The following KCNH7 variants were observed in gnomAD, a reference collection of about 807,000 sequenced individuals.
KCNH7 encodes the protein voltage-gated inwardly rectifying potassium channel KCNH7.
In KCNH7, 49 loss-of-function variants were observed where a neutral mutation model predicts 120.8. The ratio of observed to expected loss-of-function variants is 0.41; its 90% CI spans 0.32 to 0.51. The LOEUF (loss-of-function observed/expected upper bound fraction) is 0.51, where lower values mean the gene tolerates loss of function less well. Ranked by LOEUF, KCNH7 falls within the 20% of genes least tolerant of loss-of-function variation. The probability of loss-of-function intolerance (pLI) is 0.38; values close to 1 mark genes in which losing one functional copy is unlikely to be tolerated. For synonymous variants in KCNH7, 547 were observed against 516.1 expected, an observed-to-expected ratio of 1.06 and a Z score of -0.81; for missense variants, 1,097 against 1,446.6, an observed-to-expected ratio of 0.76 and a Z score of 3.92.
At chr2:162,690,965 A>G (rs1686081245) in intron 2 of KCNH7, among the ~76,000 whole-genome samples, 1 of 152,140 alleles carries the variant, frequency 6.6e-6, no homozygotes, top group Admixed American at 6.6e-5. Flanking sequence ...TCCACTTCTC[A>G]GTGTTAATAA....
intron 6 of KCNH7, 26 bp downstream of exon 6, chr2:162,504,417 A>C: frequency 6.5e-7 from 1 of 1,541,020 alleles, no homozygotes; most frequent in Non-Finnish European, 9.0e-7. Context: ...AAAACAGTTG[A>C]AATTGATAAG....
intron 7 of KCNH7, among the ~76,000 whole-genome samples, chr2:162,442,818 T>C (rs990330033): frequency 5.3e-5 from 8 of 152,194 alleles, no homozygotes; most frequent in African/African-American, 1.9e-4. Flanking sequence ...ATCACACCAC[T>C]GCACACTAGC....
intron 2 of KCNH7, among the ~76,000 whole-genome samples, chr2:162,654,919 T>C (rs373842751): frequency 1.3e-5 from 2 of 152,228 alleles, no homozygotes; most frequent in East Asian, 3.9e-4. Flanking sequence ...ATGTGTGGAA[T>C]ATAAGAAAGC....
intron 2 of KCNH7, among the ~76,000 whole-genome samples, chr2:162,813,448 G>A (rs1243021701): frequency 6.6e-6 from 1 of 152,136 alleles, no homozygotes; most frequent in Non-Finnish European, 1.5e-5. Context: ...CTGCCATCAG[G>A]GGTGATTGGT....
At position 162,517,825 on chromosome 2, in the gene KCNH7, C is replaced by G; in HGVS notation, c.797G>C (p.Ser266Thr). The G allele has an allele frequency of 6.2e-7, 1 of 1,612,366 alleles. No individual in the cohort carries two copies. The highest frequency in any genetic ancestry group is 8.5e-7 in the Non-Finnish European group (1 of 1,178,900). The change falls in exon 4 of 16, where the codon AGC (serine) becomes ACC (threonine). Residue 266 changes from serine to threonine, a missense_variant. Transcript: ENST00000332142. ...AGATGCTCTCCGTATACTACATAAG[C>G]TTTCCCTTGATCTGGAATGGGACAG... ...SQLSHSRSRE[S>T]LCSIRRASSV... is the part of the protein sequence containing the mutation.
intron 14 of KCNH7, among the ~76,000 whole-genome samples, chr2:162,374,912 TTG>T (rs1686107346): frequency 6.6e-6 from 1 of 152,118 alleles, no homozygotes; most frequent in African/African-American, 2.4e-5. Flanking sequence ...AAGGGAAAAA[TTG>T]AGTTATCAAC....
chr2:162,522,820 C>A (rs1257588690), intron 3 of KCNH7, among the ~76,000 whole-genome samples: 1 of 151,742 alleles, frequency 6.6e-6, no homozygotes, highest in Non-Finnish European at 1.5e-5. Flanking sequence ...TCTAAGAAGG[C>A]ATATAGTTGT....
intron 2 of KCNH7, among the ~76,000 whole-genome samples, chr2:162,806,886 A>G (rs1684556387): frequency 6.6e-6 from 1 of 152,134 alleles, no homozygotes; most frequent in Admixed American, 6.5e-5. Context: ...AACTCAAAGT[A>G]TAACAGAAAC....
At chr2:162,575,281 T>G (rs1417246861) in intron 2 of KCNH7, among the ~76,000 whole-genome samples, 2 of 152,082 alleles carry the variant, frequency 1.3e-5, no homozygotes, top group East Asian at 3.9e-4. Context: ...GCCTTCTGCC[T>G]TATTCCTCAA....
At chr2:162,646,681 G>A (rs1029799888) in intron 2 of KCNH7, among the ~76,000 whole-genome samples, 3 of 152,156 alleles carry the variant, frequency 2.0e-5, no homozygotes, top group Non-Finnish European at 4.4e-5. Flanking sequence ...AGACAAAGGG[G>A]ACCATAAGAG....
At chr2:162,572,864 C>T (rs13415564) in intron 2 of KCNH7, among the ~76,000 whole-genome samples, 27 of 150,992 alleles carry the variant, frequency 1.8e-4, no homozygotes, top group African/African-American at 5.8e-4. Context: ...ACATGGACAC[C>T]GGAATGGGAA....
chr2:162,610,727 T>G (rs1474440397), intron 2 of KCNH7, among the ~76,000 whole-genome samples: 1 of 152,208 alleles, frequency 6.6e-6, no homozygotes, highest in Non-Finnish European at 1.5e-5. Context: ...TGGGTTAATA[T>G]TCTGAAAATT....
At chr2:162,680,029 A>G (rs1305279234) in intron 2 of KCNH7, among the ~76,000 whole-genome samples, 1 of 151,830 alleles carries the variant, frequency 6.6e-6, no homozygotes, top group Non-Finnish European at 1.5e-5. Context: ...AAGAATGGCA[A>G]TATGTGACTA....
In KCNH7 at chr2:162,400,460, A is replaced by C; in HGVS notation, c.2155-19T>G. The C allele has an allele frequency of 2.5e-6, 4 of 1,609,946 alleles. No individual in the cohort carries two copies. Among genetic ancestry groups the C allele is most frequent in the Non-Finnish European group, 3.4e-6 (4 of 1,177,398 alleles). On this transcript the variant is annotated intron_variant, in intron 9 of 15. Coordinates refer to ENST00000332142, the MANE Select transcript of KCNH7 (RefSeq NM_033272.4). ...TTAGGACCTGAGGAAAAAAAGAAAG[A>C]GTTTCATACTACCAGTGTTCTGGGT...
At chr2:162,738,609 T>A (rs1688004231) in intron 2 of KCNH7, among the ~76,000 whole-genome samples, 1 of 152,154 alleles carries the variant, frequency 6.6e-6, no homozygotes, top group Non-Finnish European at 1.5e-5. Context: ...GAGTTGATGC[T>A]GATAGAGCAC....
intron 2 of KCNH7, among the ~76,000 whole-genome samples, chr2:162,597,363 A>C (rs1163141733): frequency 6.6e-6 from 1 of 152,128 alleles, no homozygotes; most frequent in African/African-American, 2.4e-5. Context: ...AGCCCTAAAC[A>C]GAAACAAAAT....
At chr2:162,534,388 A>C (rs1269435090) in intron 3 of KCNH7, among the ~76,000 whole-genome samples, 2 of 151,538 alleles carry the variant, frequency 1.3e-5, no homozygotes, top group Non-Finnish European at 3.0e-5. Context: ...AATGGAGAAA[A>C]CAATAATAAA....
chr2:162,709,045 C>G (rs933492073), intron 2 of KCNH7, among the ~76,000 whole-genome samples: 4 of 152,050 alleles, frequency 2.6e-5, no homozygotes, highest in Admixed American at 6.6e-5. Flanking sequence ...GGGGCAGTAG[C>G]ATGCTGAAGC....
chr2:162,547,634 A>T (rs1316440617), intron 2 of KCNH7, among the ~76,000 whole-genome samples: 1 of 152,180 alleles, frequency 6.6e-6, no homozygotes, highest in East Asian at 1.9e-4. Context: ...TGAAAAAAAT[A>T]AGTAATTTCC....
Sources: allele counts gnomAD v4.1 joint callset (sites outside exome capture counted in the v4.1 genomes callset), GRCh38; gene constraint gnomAD v4.1.1; transcripts MANE v1.5; gene names NCBI Gene and HGNC (gene_info 2026-07-23, HGNC 2026-07-21).